Variants in SPATA9 observed in about 807,000 individuals in gnomAD.
The protein encoded by SPATA9 is spermatogenesis-associated protein 9.
Under a neutral mutation model 25.5 loss-of-function variants are expected in SPATA9, and 27 were observed. The ratio of observed to expected loss-of-function variants is 1.06; its 90% CI spans 0.78 to 1.46. The LOEUF is 1.46. Among genes scored for constraint, SPATA9 ranks in the 40% most tolerant of loss-of-function variants. The pLI, the probability that SPATA9 is intolerant of heterozygous loss-of-function variation, is 0.00. For missense variants in SPATA9, 282 were observed against 297.5 expected (o/e 0.95, Z 0.38); for synonymous variants, 102 against 105.7 (o/e 0.97, Z 0.21).
intron 4 of SPATA9, among the ~76,000 whole-genome samples, chr5:95,661,531 T>G (rs1751265366): frequency 6.6e-6 from 1 of 152,166 alleles, no homozygotes; most frequent in Non-Finnish European, 1.5e-5. Flanking sequence ...AATTGAAATC[T>G]AATTTTTGTG....
chr5:95,715,157 C>G, the SPATA9 span, among the ~76,000 whole-genome samples: 1 of 151,986 alleles, frequency 6.6e-6, no homozygotes, highest in African/African-American at 2.4e-5. Context: ...AACCCCATCT[C>G]TACTGAAAAT....
At chr5:95,729,440 T>C in the SPATA9 span, among the ~76,000 whole-genome samples, 1 of 152,236 alleles carries the variant, frequency 6.6e-6, no homozygotes, top group Non-Finnish European at 1.5e-5. Flanking sequence ...CTTTGGTGTC[T>C]ATTTTTGTTT....
At chr5:95,695,775 A>G (rs1561421201) in intron 1 of SPATA9, among the ~76,000 whole-genome samples, 1 of 152,198 alleles carries the variant, frequency 6.6e-6, no homozygotes, top group Non-Finnish European at 1.5e-5. Context: ...TAGCCCAGTG[A>G]TCCCTGCCTC....
chr5:95,714,175 G>T, the SPATA9 span, among the ~76,000 whole-genome samples: 1 of 152,006 alleles, frequency 6.6e-6, no homozygotes, highest in African/African-American at 2.4e-5. Context: ...TATTAAGCTT[G>T]CTGGGGAAGG....
intron 2 of SPATA9, among the ~76,000 whole-genome samples, chr5:95,679,118 G>T (rs541819575): frequency 6.6e-6 from 1 of 152,226 alleles, no homozygotes; most frequent in African/African-American, 2.4e-5. Context: ...CTATTCAGAA[G>T]GTAGAAATGA....
intron 3 of SPATA9, among the ~76,000 whole-genome samples, chr5:95,674,139 A>G (rs1752683706): frequency 6.6e-6 from 1 of 152,262 alleles, no homozygotes; most frequent in Admixed American, 6.5e-5. Context: ...GACATCAGAA[A>G]TTATAAAAGA....
intron 2 of SPATA9, among the ~76,000 whole-genome samples, chr5:95,676,157 G>T (rs961815718): frequency 2.0e-5 from 3 of 151,858 alleles, no homozygotes; most frequent in Non-Finnish European, 4.4e-5. Flanking sequence ...TTTTCCCTGG[G>T]ATAAATATCA....
At chr5:95,726,024 A>C in the SPATA9 span, among the ~76,000 whole-genome samples, 1 of 152,216 alleles carries the variant, frequency 6.6e-6, no homozygotes, top group African/African-American at 2.4e-5. Context: ...ATTTATTGGA[A>C]CACAATGTAG....
intron 3 of SPATA9, among the ~76,000 whole-genome samples, chr5:95,672,457 T>C (rs1561404816): frequency 6.8e-6 from 1 of 146,522 alleles, no homozygotes; most frequent in Non-Finnish European, 1.5e-5. Flanking sequence ...CAAAAGAGGT[T>C]TTTTTTTTTT....
the SPATA9 span, among the ~76,000 whole-genome samples, chr5:95,718,720 G>C: frequency 2.6e-5 from 4 of 152,316 alleles, no homozygotes; most frequent in Non-Finnish European, 5.9e-5. Flanking sequence ...GTTGATCCAG[G>C]GTTGGGGTTT....
intron 3 of SPATA9, among the ~76,000 whole-genome samples, chr5:95,664,909 A>G (rs1751616144): frequency 6.6e-6 from 1 of 152,216 alleles, no homozygotes; most frequent in Non-Finnish European, 1.5e-5. Context: ...ACGTTCATTA[A>G]AGAGTTATAA....
At chr5:95,714,760 T>C in the SPATA9 span, among the ~76,000 whole-genome samples, 1 of 151,644 alleles carries the variant, frequency 6.6e-6, no homozygotes, top group Non-Finnish European at 1.5e-5. Context: ...AAAATCACTG[T>C]ATTTTTATAC....
intron 2 of SPATA9, among the ~76,000 whole-genome samples, chr5:95,677,133 G>A (rs781139954): frequency 6.6e-6 from 1 of 152,108 alleles, no homozygotes; most frequent in Non-Finnish European, 1.5e-5. Context: ...TCTGCACCTC[G>A]ATTTTGCATC....
intron 3 of SPATA9, chr5:95,670,320 G>C (rs937934720): frequency 2.6e-5 from 4 of 152,174 alleles, no homozygotes; most frequent in African/African-American, 9.7e-5. Flanking sequence ...TAATGAAAAT[G>C]TTCCTCTATT....
At chr5:95,654,465 T>A (rs905863436), downstream of SPATA9, 22 of 814,960 alleles carry the variant, frequency 2.7e-5, no homozygotes, top group Non-Finnish European at 3.9e-5. Context: ...GCTTTGAATA[T>A]AATTCCAAGT....
intron 2 of SPATA9, among the ~76,000 whole-genome samples, chr5:95,681,821 G>A (rs780820565): frequency 1.1e-4 from 16 of 152,188 alleles, no homozygotes; most frequent in Non-Finnish European, 1.8e-4. Flanking sequence ...ATTGTCAAGA[G>A]TCTGACTTCT....
At chr5:95,653,520 C>G (rs1561386934), downstream of SPATA9, among the ~76,000 whole-genome samples, 4 of 152,352 alleles carry the variant, frequency 2.6e-5, no homozygotes, top group Admixed American at 6.5e-5. Context: ...TAATACAACT[C>G]TAGCCTCAGA....
At chr5:95,670,964 TGTATACTCCCCAC>T (rs1752314916) in intron 3 of SPATA9, 6 of 905,132 alleles carry the variant, frequency 6.6e-6, no homozygotes, top group Non-Finnish European at 7.9e-6. Context: ...CCCTAGCTAC[TGTATACTCCCCAC>T]GTAAAGCTTC....
At chr5:95,673,146 G>T (rs1752569448) in intron 3 of SPATA9, among the ~76,000 whole-genome samples, 1 of 151,994 alleles carries the variant, frequency 6.6e-6, no homozygotes, top group African/African-American at 2.4e-5. Context: ...TGGAGAGGAG[G>T]CTAGGGAGAT....
Sources: allele counts gnomAD v4.1 joint callset (sites outside exome capture counted in the v4.1 genomes callset), GRCh38; gene constraint gnomAD v4.1.1; transcripts MANE v1.5; gene names NCBI Gene and HGNC (gene_info 2026-07-23, HGNC 2026-07-21).